The following DCUN1D5 variants were observed in gnomAD, a reference collection of about 807,000 sequenced individuals.
DCUN1D5 encodes defective in cullin neddylation 1 domain containing 5.
DCUN1D5 carries 10 observed loss-of-function variants against 38.3 expected under a neutral mutation model. That is an observed-to-expected ratio of 0.26 (90% CI 0.16 to 0.44). The LOEUF is 0.44. Ranked by LOEUF, DCUN1D5 falls within the 20% of genes least tolerant of loss-of-function variation. DCUN1D5 has a pLI of 1.00. For missense variants in DCUN1D5, 148 were observed against 275.3 expected (o/e 0.54, Z 3.27); for synonymous variants, 93 against 90.9 (o/e 1.02, Z -0.13).
rs1016274237 is a variant in DCUN1D5 at position 103,062,222 on chromosome 11, A to G, written c.*137T>C. On this transcript the variant is annotated 3_prime_UTR_variant, in exon 8 of 8. Transcript: ENST00000260247. This position sits in a 1 kb window ranked among gnomAD's most constrained non-coding sequence, Gnocchi z 4.6. ...CATGTAACAAGAAAAACCTCCTTTA[A>G]AAAAAGGAAAAAAAAGTACTATGAG... 2 of 814,100 alleles carry G rather than the reference A, an allele frequency of 2.5e-6. No homozygotes were observed. The highest frequency in any genetic ancestry group is 3.9e-6 in the Non-Finnish European group (2 of 506,956). The allele number at this position is 814,100 out of a possible 1,614,324, so 50.4% of individuals were successfully genotyped here.
chr11:103,053,046 G>A lies in DCUN1D5; in HGVS notation c.*9313C>T, dbSNP rs1206862308. The A allele has an allele frequency of 2.0e-5, 3 of 151,966 alleles. No homozygotes were observed. Among genetic ancestry groups the A allele is most frequent in the Non-Finnish European group, 4.4e-5 (3 of 67,932 alleles). The allele number at this position is 151,966 out of a possible 1,614,324, so 9.4% of individuals were successfully genotyped here. A position where few individuals can be genotyped will look rare whatever the true frequency, so the allele number is the denominator to read the frequency against. ...TGTGCTTCTAGGTAAAACTTATTTT[G>A]CAATAGGGTCCTGCTACTTAATTAA... On this transcript the variant is annotated 3_prime_UTR_variant, in exon 8 of 8. Transcript: ENST00000260247. The surrounding 1 kb of genome is among the most constrained non-coding windows in gnomAD (Gnocchi z 4.8).
In DCUN1D5 at chr11:103,062,241, C is replaced by G; in HGVS notation, c.*118G>C. The G allele has an allele frequency of 2.1e-6, 2 of 975,568 alleles. No homozygotes were observed. Among genetic ancestry groups the G allele is most frequent in the Admixed American group, 4.4e-5 (2 of 45,498 alleles). The allele number at this position is 975,568 out of a possible 1,614,324, so 60.4% of individuals were successfully genotyped here. A position where few individuals can be genotyped will look rare whatever the true frequency, so the allele number is the denominator to read the frequency against. On this transcript the variant is annotated 3_prime_UTR_variant, in exon 8 of 8. Transcript: ENST00000260247. This position sits in a 1 kb window ranked among gnomAD's most constrained non-coding sequence, Gnocchi z 4.6. The stretch of plus-strand genomic sequence containing the variant: ...CCTTTAAAAAAAGGAAAAAAAAGTA[C>G]TATGAGAAGTCTTTCATATGAATGA...
Position 103,057,831 on chromosome 11 carries a change from A to G in DCUN1D5, c.*4528T>C, listed in dbSNP as rs1861911472. 1.3e-5 allele frequency among the ~76,000 whole-genome samples: 2 copies of G among 152,180 alleles called. No individual in the cohort carries two copies. The highest frequency in any genetic ancestry group is 2.1e-4 in the South Asian group (1 of 4,834). The stretch of plus-strand genomic sequence containing the variant: ...CTCTATATATTCACTTCAAGTATTT[A>G]TTAGCTTTTTAAAATCCACAATTTT... On this transcript the variant is annotated 3_prime_UTR_variant, in exon 8 of 8. Transcript: ENST00000260247. The surrounding 1 kb of genome is among the most constrained non-coding windows in gnomAD (Gnocchi z 4.8).
At position 103,065,563 on chromosome 11, in the gene DCUN1D5, T is replaced by G. The variant is rs534405264; in HGVS notation, c.555+706A>C. Among the ~76,000 whole-genome samples the G allele has an allele frequency of 4.1e-4, 62 of 152,216 alleles. No homozygotes were observed. The highest frequency in any genetic ancestry group is 1.5e-3 in the African/African-American group (62 of 41,536). Reference sequence around the variant, plus strand: ...TTTCCAAAGGAAAAAGCATCTGTATTCAAGATATGGTGAGAACTATACCAA... The same window carrying G: ...TTTCCAAAGGAAAAAGCATCTGTATGCAAGATATGGTGAGAACTATACCAA... On this transcript the variant is annotated intron_variant, in intron 6 of 7. Coordinates refer to ENST00000260247, the MANE Select transcript of DCUN1D5 (RefSeq NM_032299.4). The surrounding 1 kb of genome is among the most constrained non-coding windows in gnomAD (Gnocchi z 4.6).
In DCUN1D5 at chr11:103,057,834, A is replaced by T. The variant is rs1314751614; in HGVS notation, c.*4525T>A. On this transcript the variant is annotated 3_prime_UTR_variant, in exon 8 of 8. Coordinates refer to ENST00000260247, the MANE Select transcript of DCUN1D5 (RefSeq NM_032299.4). This position sits in a 1 kb window ranked among gnomAD's most constrained non-coding sequence, Gnocchi z 4.8. ...TATATATTCACTTCAAGTATTTATT[A>T]GCTTTTTAAAATCCACAATTTTAAC... Among the ~76,000 whole-genome samples the T allele has an allele frequency of 1.3e-5, 2 of 152,196 alleles. No individual in the cohort carries two copies. The highest frequency in any genetic ancestry group is 1.5e-5 in the Non-Finnish European group (1 of 68,030).
intron 4 of DCUN1D5, 133 bp downstream of exon 4, chr11:103,082,615 C>A: frequency 4.7e-6 from 3 of 644,950 alleles, no homozygotes; most frequent in South Asian, 4.2e-5. Context: ...TTTTTCAATC[C>A]CCAAACTAAT....
rs776040318 is a variant in DCUN1D5 at position 103,064,236 on chromosome 11, A to C, written c.658+39T>G. The C allele has an allele frequency of 6.5e-7, 1 of 1,545,472 alleles. No homozygotes were observed. The highest frequency in any genetic ancestry group is 1.4e-5 in the African/African-American group (1 of 73,448). On this transcript the variant is annotated intron_variant, in intron 7 of 7. Coordinates refer to ENST00000260247, the MANE Select transcript of DCUN1D5 (RefSeq NM_032299.4). This position sits in a 1 kb window ranked among gnomAD's most constrained non-coding sequence, Gnocchi z 4.5. Reference sequence around the variant, plus strand: ...GCATACTCTCATTTAATATTTTTGGAAATTTTGTTTTCAAAGGAACATGTT... The same window carrying C: ...GCATACTCTCATTTAATATTTTTGGCAATTTTGTTTTCAAAGGAACATGTT...
Position 103,078,498 on chromosome 11 carries a change from T to C in DCUN1D5, c.341+4250A>G, listed in dbSNP as rs1393340735. Among the ~76,000 whole-genome samples, 4 of 152,228 alleles carry C rather than the reference T, an allele frequency of 2.6e-5. No individual in the cohort carries two copies. Among genetic ancestry groups the C allele is most frequent in the African/African-American group, 9.6e-5 (4 of 41,468 alleles). On this transcript the variant is annotated intron_variant, in intron 4 of 7. Transcript: ENST00000260247. This position sits in a 1 kb window ranked among gnomAD's most constrained non-coding sequence, Gnocchi z 4.6. ...AGACTCTCAAAAGAGACTGTGACTT[T>C]AAAATATTAAAAACAATTGCTCATT...
At chr11:103,089,629 T>C (rs2134640156) in intron 1 of DCUN1D5, among the ~76,000 whole-genome samples, 1 of 152,290 alleles carries the variant, frequency 6.6e-6, no homozygotes, top group Non-Finnish European at 1.5e-5. Flanking sequence ...AAAGTATAAA[T>C]ATTTATTATG....
In DCUN1D5 at chr11:103,089,301, G is replaced by A. The variant is rs773260997; in HGVS notation, c.104C>T (p.Pro35Leu). 6.2e-7 allele frequency: 1 copy of A among 1,607,744 alleles called. No homozygotes were observed. The highest frequency in any genetic ancestry group is 1.3e-5 in the African/African-American group (1 of 74,872). Residue 35 changes from proline to leucine, a missense_variant, in exon 2 of 8, where the codon CCC becomes CTC. By Grantham distance (98) the Pro-to-Leu change is moderately conservative. Coordinates refer to ENST00000260247, the MANE Select transcript of DCUN1D5 (RefSeq NM_032299.4). Reference protein sequence around the residue: ...CKISSYCRSQPPARLISGEEH... With the variant: ...CKISSYCRSQLPARLISGEEH... ...CTCTCCACTTATTAGTCTAGCAGGGGGTTGGGATCTGCAATAGCTTAGAAA... is the reference window on the plus strand; with the variant it reads ...CTCTCCACTTATTAGTCTAGCAGGGAGTTGGGATCTGCAATAGCTTAGAAA...
rs1043887636 is a variant in DCUN1D5 at position 103,083,414 on chromosome 11, A to G, written c.179-88T>C. 1.5e-5 allele frequency: 10 copies of G among 648,182 alleles called. No homozygotes were observed. Among genetic ancestry groups the G allele is most frequent in the Non-Finnish European group, 2.2e-5 (8 of 371,582 alleles). 40.2% of individuals were successfully genotyped at this position (648,182 alleles called of 1,614,324 possible). On this transcript the variant is annotated intron_variant, in intron 2 of 7. Coordinates refer to ENST00000260247, the MANE Select transcript of DCUN1D5 (RefSeq NM_032299.4). The surrounding 1 kb of genome is among the most constrained non-coding windows in gnomAD (Gnocchi z 4.4). ...TGCTAAAGGTACCCATGAACACACCATAATATTTTGCAAATAATTAAATTT... is the reference window on the plus strand; with the variant it reads ...TGCTAAAGGTACCCATGAACACACCGTAATATTTTGCAAATAATTAAATTT...
At chr11:103,075,816 T>C (rs957175107) in intron 4 of DCUN1D5, among the ~76,000 whole-genome samples, 4 of 152,224 alleles carry the variant, frequency 2.6e-5, no homozygotes, top group African/African-American at 9.6e-5. Context: ...TATGAATGAA[T>C]GCACAATATG....
At chr11:103,074,078 A>G (rs746539221) in intron 4 of DCUN1D5, among the ~76,000 whole-genome samples, 2 of 152,198 alleles carry the variant, frequency 1.3e-5, no homozygotes, top group Non-Finnish European at 2.9e-5. Context: ...GGAGTGCAAC[A>G]GAGTGAGATT....
intron 2 of DCUN1D5, among the ~76,000 whole-genome samples, chr11:103,088,794 A>G (rs1862778273): frequency 1.3e-5 from 2 of 152,346 alleles, no homozygotes; most frequent in Admixed American, 6.5e-5. Context: ...ATCTTTTACT[A>G]TGTCTCCCCA....
intron 4 of DCUN1D5, among the ~76,000 whole-genome samples, chr11:103,072,280 C>T (rs951505920): frequency 6.1e-5 from 9 of 147,822 alleles, no homozygotes; most frequent in African/African-American, 2.0e-4. Context: ...GTTGGTGGGA[C>T]TGTAAACTAG....
In DCUN1D5 at chr11:103,059,941, A is replaced by G. The variant is rs1383988046; in HGVS notation, c.*2418T>C. Reference sequence around the variant, plus strand: ...ACAGGGTTCGTGGGAAGGCACTTAAAGCTAACTAGTCAAAAAAGGAACCAC... The same window carrying G: ...ACAGGGTTCGTGGGAAGGCACTTAAGGCTAACTAGTCAAAAAAGGAACCAC... On this transcript the variant is annotated 3_prime_UTR_variant, in exon 8 of 8. Coordinates refer to ENST00000260247, the MANE Select transcript of DCUN1D5 (RefSeq NM_032299.4). Among the ~76,000 whole-genome samples the G allele has an allele frequency of 6.6e-6, 1 of 152,168 alleles. No individual in the cohort carries two copies. The highest frequency in any genetic ancestry group is 1.9e-4 in the East Asian group (1 of 5,200).
At chr11:103,088,447 T>A (rs1303007131) in intron 2 of DCUN1D5, among the ~76,000 whole-genome samples, 1 of 152,170 alleles carries the variant, frequency 6.6e-6, no homozygotes, top group East Asian at 1.9e-4. Context: ...TTCTTTTGCA[T>A]ATATTTGCTT....
intron 4 of DCUN1D5, among the ~76,000 whole-genome samples, chr11:103,074,758 T>A (rs1862367822): frequency 6.6e-6 from 1 of 152,206 alleles, no homozygotes; most frequent in Non-Finnish European, 1.5e-5. Context: ...GAGTCTGATA[T>A]CTGAGACCAT....
rs1861921257 is a variant in DCUN1D5, at chr11:103,058,127, G to A, written c.*4232C>T. Among the ~76,000 whole-genome samples the A allele has an allele frequency of 6.6e-6, 1 of 152,080 alleles. No individual in the cohort carries two copies. Among genetic ancestry groups the A allele is most frequent in the South Asian group, 2.1e-4 (1 of 4,824 alleles). On this transcript the variant is annotated 3_prime_UTR_variant, in exon 8 of 8. Coordinates refer to ENST00000260247, the MANE Select transcript of DCUN1D5 (RefSeq NM_032299.4). The stretch of plus-strand genomic sequence containing the variant: ...TTAAAATCTAACCTTACTATATAGT[G>A]TTACTAGATGTATTTTAAGGAATAT...
Sources: allele counts gnomAD v4.1 joint callset (sites outside exome capture counted in the v4.1 genomes callset), GRCh38; gene constraint gnomAD v4.1.1; non-coding constraint Gnocchi (gnomAD v3.1); transcripts MANE v1.5; gene names NCBI Gene and HGNC (gene_info 2026-07-23, HGNC 2026-07-21).